ADCY1: variants seen among roughly 807,000 people sequenced by gnomAD.
ADCY1 encodes adenylate cyclase type 1.
A neutral mutation model predicts 105.4 loss-of-function variants in ADCY1; 28 were observed. The observed-to-expected ratio is 0.27, with a 90% confidence interval of 0.20 to 0.36. ADCY1 has a LOEUF of 0.36. ADCY1 is among the 10% of genes least tolerant of loss of function. The pLI, the probability that ADCY1 is intolerant of heterozygous loss-of-function variation, is 1.00. For missense variants in ADCY1, 977 were observed against 1,434.2 expected, an observed-to-expected ratio of 0.68 and a Z score of 5.15; for synonymous variants, 655 against 623.8, an observed-to-expected ratio of 1.05 and a Z score of -0.75.
At chr7:45,588,163 A>G (rs1792786017) in intron 1 of ADCY1, among the ~76,000 whole-genome samples, 2 of 152,118 alleles carry the variant, frequency 1.3e-5, no homozygotes, top group Non-Finnish European at 2.9e-5. Flanking sequence ...TGTTGCTCAA[A>G]TTGTTCCAAC....
At chr7:45,643,911 C>T (rs878996824) in intron 4 of ADCY1, among the ~76,000 whole-genome samples, 16 of 152,292 alleles carry the variant, frequency 1.1e-4, no homozygotes, top group African/African-American at 3.4e-4. Context: ...GGGAGGCTTC[C>T]GGGGACCTGA....
chr7:45,686,484 G>A lies in ADCY1; in HGVS notation c.2328-63G>A. The A allele has an allele frequency of 1.3e-6, 2 of 1,559,134 alleles. No individual in the cohort carries two copies. Among genetic ancestry groups the A allele is most frequent in the South Asian group, 2.4e-5 (2 of 81,864 alleles). On this transcript the variant is annotated intron_variant, in intron 13 of 19. Coordinates refer to ENST00000297323, the MANE Select transcript of ADCY1 (RefSeq NM_021116.4). The surrounding 1 kb of genome is among the most constrained non-coding windows in gnomAD (Gnocchi z 4.3). ...TCACTCTGAACAGTTCTTGGGTTTG[G>A]TGGCAGAGTCTTGCCCTGGAAGCTC... is the stretch of plus-strand genomic sequence containing the variant.
intron 2 of ADCY1, among the ~76,000 whole-genome samples, chr7:45,594,241 A>G (rs541499008): frequency 3.9e-5 from 6 of 152,144 alleles, no homozygotes; most frequent in South Asian, 4.2e-4. Flanking sequence ...TGTGTTGTCT[A>G]TGTGTGTGCA....
At chr7:45,624,987 T>TC (rs1584280170) in intron 4 of ADCY1, among the ~76,000 whole-genome samples, 1 of 152,206 alleles carries the variant, frequency 6.6e-6, no homozygotes, top group Admixed American at 6.5e-5. Flanking sequence ...TGCTGTAGAC[T>TC]CCCTGTGGCT....
Position 45,703,633 on chromosome 7 carries a change from G to C in ADCY1, c.2605G>C (p.Val869Leu). Reference protein sequence around the residue: ...LYYQSYSQVGVMFASIPNFND... With the variant: ...LYYQSYSQVGLMFASIPNFND... Reference sequence around the variant, plus strand: ...CTACCAGTCCTACTCCCAGGTGGGCGTCATGTTTGCCTCCATCCCCAACTT... The same window carrying C: ...CTACCAGTCCTACTCCCAGGTGGGCCTCATGTTTGCCTCCATCCCCAACTT... The change falls in exon 16 of 20, where the codon GTC becomes CTC. Residue 869 changes from valine to leucine, a missense_variant. By Grantham distance (32) the Val-to-Leu change is conservative. Coordinates refer to ENST00000297323, the MANE Select transcript of ADCY1 (RefSeq NM_021116.4). The surrounding 1 kb of genome is among the most constrained non-coding windows in gnomAD (Gnocchi z 5.9). 1 of 1,613,026 alleles carries C rather than the reference G, an allele frequency of 6.2e-7. No individual in the cohort carries two copies. Among genetic ancestry groups the C allele is most frequent in the Non-Finnish European group, 8.5e-7 (1 of 1,179,460 alleles).
intron 10 of ADCY1, among the ~76,000 whole-genome samples, chr7:45,679,273 A>G (rs1784514956): frequency 6.6e-6 from 1 of 152,222 alleles, no homozygotes; most frequent in African/African-American, 2.4e-5. Flanking sequence ...CAGACACTGA[A>G]CACAGCAGCC....
At chr7:45,648,895 C>T in intron 5 of ADCY1, 98 bp downstream of exon 5, 1 of 1,461,322 alleles carries the variant, frequency 6.8e-7, no homozygotes, top group Non-Finnish European at 9.3e-7. Flanking sequence ...GCTCCCCTCT[C>T]AGGGTCTCGC....
At position 45,717,274 on chromosome 7, in the gene ADCY1, G is replaced by GC. The variant is rs892047454; in HGVS notation, c.*3280dup. On this transcript the variant is annotated 3_prime_UTR_variant, in exon 20 of 20. Coordinates refer to ENST00000297323, the MANE Select transcript of ADCY1 (RefSeq NM_021116.4). ...TGGAAAGGACCCCATGGCAGACTTG[G>GC]CAAGGTCTCCACTTCAGGGGCAAAC... is the stretch of plus-strand genomic sequence containing the variant. 1.3e-5 allele frequency: 2 copies of GC among 152,224 alleles called. No individual in the cohort carries two copies. Among genetic ancestry groups the GC allele is most frequent in the African/African-American group, 4.8e-5 (2 of 41,422 alleles). 9.4% of individuals were successfully genotyped at this position (152,224 alleles called of 1,614,324 possible). A position where few individuals can be genotyped will look rare whatever the true frequency, so the allele number is the denominator to read the frequency against.
At chr7:45,640,157 A>G (rs1039670460) in intron 4 of ADCY1, among the ~76,000 whole-genome samples, 31 of 152,164 alleles carry the variant, frequency 2.0e-4, no homozygotes, top group African/African-American at 7.0e-4. Flanking sequence ...TGCAGTTGTT[A>G]CTCAACTGAA....
intron 8 of ADCY1, among the ~76,000 whole-genome samples, chr7:45,668,967 G>A (rs374324436): frequency 3.3e-5 from 5 of 152,076 alleles, no homozygotes; most frequent in South Asian, 2.1e-4. Context: ...CTGTGGGATC[G>A]GTGGTGATAT....
intron 14 of ADCY1, among the ~76,000 whole-genome samples, chr7:45,698,227 T>G (rs1784925179): frequency 6.6e-6 from 1 of 152,046 alleles, no homozygotes; most frequent in Non-Finnish European, 1.5e-5. Context: ...GTGTGGAACA[T>G]GTACATGTGC....
intron 4 of ADCY1, among the ~76,000 whole-genome samples, chr7:45,645,238 C>T (rs187118168): frequency 3.9e-5 from 6 of 152,266 alleles, no homozygotes; most frequent in South Asian, 2.1e-4. Context: ...AGCTCGCCCA[C>T]ACCATGCAGT....
chr7:45,651,841 A>G (rs928160642), intron 5 of ADCY1, among the ~76,000 whole-genome samples: 8 of 152,168 alleles, frequency 5.3e-5, no homozygotes, highest in African/African-American at 1.9e-4. Context: ...GTCCCTTTCC[A>G]AGGCCCACAG....
At chr7:45,635,880 T>C (rs1794390501) in intron 4 of ADCY1, among the ~76,000 whole-genome samples, 1 of 152,084 alleles carries the variant, frequency 6.6e-6, no homozygotes, top group African/African-American at 2.4e-5. Context: ...GTCTTCCATA[T>C]CTTTATTGAT....
intron 1 of ADCY1, among the ~76,000 whole-genome samples, chr7:45,578,940 G>A (rs998519052): frequency 1.3e-5 from 2 of 152,136 alleles, no homozygotes; most frequent in African/African-American, 2.4e-5. Context: ...TTTCAATTTC[G>A]TTGCTTATCA....
At chr7:45,674,032 T>TTTTTTTGG (rs1784412869) in intron 8 of ADCY1, among the ~76,000 whole-genome samples, 1 of 145,482 alleles carries the variant, frequency 6.9e-6, no homozygotes, top group Admixed American at 6.9e-5. Flanking sequence ...TTTTTTTTTT[T>TTTTTTTGG]CCTTGAGACT....
At chr7:45,607,668 G>GT (rs1425048433) in intron 2 of ADCY1, among the ~76,000 whole-genome samples, 1 of 152,130 alleles carries the variant, frequency 6.6e-6, no homozygotes, top group Non-Finnish European at 1.5e-5. Context: ...TGTATCCAAT[G>GT]TTTAGCTTCC....
chr7:45,668,063 G>A (rs1166902715), intron 8 of ADCY1, among the ~76,000 whole-genome samples: 1 of 152,218 alleles, frequency 6.6e-6, no homozygotes, highest in Non-Finnish European at 1.5e-5. Flanking sequence ...ATAGAATCAT[G>A]TCATCTGCAA....
chr7:45,592,917 C>CTTGGGCCAG lies in ADCY1; in HGVS notation c.789+11_789+19dup. The stretch of plus-strand genomic sequence containing the variant: ...ATGAGAACGAGAAGCAGGTCAGTGG[C>CTTGGGCCAG]TTGGGCCAGTCAGCCTAGAGGGGTT... On this transcript the variant is annotated intron_variant, in intron 2 of 19. Transcript: ENST00000297323. 1.9e-6 allele frequency: 3 copies of CTTGGGCCAG among 1,614,138 alleles called. No homozygotes were observed. Among genetic ancestry groups the CTTGGGCCAG allele is most frequent in the Non-Finnish European group, 2.5e-6 (3 of 1,180,016 alleles).
Sources: allele counts gnomAD v4.1 joint callset (sites outside exome capture counted in the v4.1 genomes callset), GRCh38; gene constraint gnomAD v4.1.1; non-coding constraint Gnocchi (gnomAD v3.1); transcripts MANE v1.5; gene names NCBI Gene and HGNC (gene_info 2026-07-23, HGNC 2026-07-21).